Variants in SLC4A4 observed in about 807,000 individuals in gnomAD.
The protein encoded by SLC4A4 is electrogenic sodium bicarbonate cotransporter 1.
SLC4A4 carries 27 observed loss-of-function variants against 111.5 expected under a neutral mutation model. The ratio of observed to expected loss-of-function variants is 0.24; its 90% CI spans 0.18 to 0.33. The LOEUF (loss-of-function observed/expected upper bound fraction) is 0.33. Ranked by LOEUF, SLC4A4 falls within the 10% of genes least tolerant of loss-of-function variation. The pLI is 1.00. For missense variants in SLC4A4, 909 were observed against 1,315.5 expected (o/e 0.69, Z 4.78); for synonymous variants, 443 against 463.4 (o/e 0.96, Z 0.57).
intron 2 of SLC4A4, among the ~76,000 whole-genome samples, chr4:71,152,771 C>A (rs1054906466): frequency 6.6e-6 from 1 of 151,836 alleles, no homozygotes; most frequent in African/African-American, 2.4e-5. Context: ...CCTTTCCCAG[C>A]CCACTTTCTT....
At chr4:71,277,836 ATAAATT>A (rs1723200679) in intron 3 of SLC4A4, among the ~76,000 whole-genome samples, 1 of 152,120 alleles carries the variant, frequency 6.6e-6, no homozygotes, top group Non-Finnish European at 1.5e-5. Flanking sequence ...ATAAAACTAT[ATAAATT>A]TAAGGTGTAC....
chr4:71,386,335 G>C (rs900639735), intron 6 of SLC4A4, among the ~76,000 whole-genome samples: 1 of 151,980 alleles, frequency 6.6e-6, no homozygotes, highest in African/African-American at 2.4e-5. Flanking sequence ...GTGATCTGAA[G>C]AAATATGTCC....
chr4:71,232,622 A>G (rs1489863396), intron 1 of SLC4A4, among the ~76,000 whole-genome samples: 2 of 152,148 alleles, frequency 1.3e-5, no homozygotes, highest in Admixed American at 1.3e-4. Flanking sequence ...TATGTTGCCC[A>G]GGCTGGTCTG....
At chr4:71,177,114 A>T (rs546143760) in intron 2 of SLC4A4, among the ~76,000 whole-genome samples, 71 of 152,284 alleles carry the variant, frequency 4.7e-4, no homozygotes, top group African/African-American at 1.7e-3. Flanking sequence ...AATCCTTTAC[A>T]GACAAGCAGA....
At chr4:71,545,338 A>C (rs1211979482) in intron 18 of SLC4A4, among the ~76,000 whole-genome samples, 1 of 152,018 alleles carries the variant, frequency 6.6e-6, no homozygotes, top group Non-Finnish European at 1.5e-5. Context: ...AACAGTCACC[A>C]GGTTCCTAGT....
intron 3 of SLC4A4, among the ~76,000 whole-genome samples, chr4:71,320,328 T>A (rs1386884970): frequency 6.6e-6 from 1 of 152,052 alleles, no homozygotes; most frequent in Non-Finnish European, 1.5e-5. Flanking sequence ...CAAGTCTTCC[T>A]TCTGGTCCCT....
chr4:71,270,221 G>T (rs1722605821), intron 3 of SLC4A4, among the ~76,000 whole-genome samples: 1 of 152,122 alleles, frequency 6.6e-6, no homozygotes, highest in South Asian at 2.1e-4. Flanking sequence ...CCGAGTAACT[G>T]GGATTACAGG....
In SLC4A4 at chr4:71,453,648, G is replaced by A; in HGVS notation, c.1476G>A (p.Gly492=). 1 of 1,613,856 alleles carries A rather than the reference G, an allele frequency of 6.2e-7. No homozygotes were observed. Among genetic ancestry groups the A allele is most frequent in the Non-Finnish European group, 8.5e-7 (1 of 1,179,850 alleles). ...CTATCACTTTTGGAGGACTGCTTGGGGATGCCACTGACAACATGCAGGTGG... is the reference window on the plus strand; with the variant it reads ...CTATCACTTTTGGAGGACTGCTTGGAGATGCCACTGACAACATGCAGGTGG... ...TNAITFGGLL[G]DATDNMQGVL... is the part of the protein sequence containing the mutation. The change falls in exon 12 of 26, where the codon GGG becomes GGA. Residue 492 remains glycine, a synonymous_variant. Transcript: ENST00000264485.
chr4:71,202,056 G>A (rs935864700), intron 1 of SLC4A4, among the ~76,000 whole-genome samples: 11 of 152,200 alleles, frequency 7.2e-5, no homozygotes, highest in South Asian at 4.1e-4. Flanking sequence ...ATAGTGTCCA[G>A]CTGAGAAGCT....
At chr4:71,295,950 G>T (rs113503936) in intron 3 of SLC4A4, among the ~76,000 whole-genome samples, 1 of 151,632 alleles carries the variant, frequency 6.6e-6, no homozygotes, top group South Asian at 2.1e-4. Flanking sequence ...ATGAACCACC[G>T]TGCCTGGCCT....
At chr4:71,326,211 C>T (rs1727490966) in intron 3 of SLC4A4, among the ~76,000 whole-genome samples, 1 of 151,850 alleles carries the variant, frequency 6.6e-6, no homozygotes, top group African/African-American at 2.4e-5. Context: ...AAAATGATAT[C>T]TATCAGACTT....
chr4:71,512,026 C>T (rs1731976929), intron 16 of SLC4A4, among the ~76,000 whole-genome samples: 1 of 152,114 alleles, frequency 6.6e-6, no homozygotes, highest in Non-Finnish European at 1.5e-5. Context: ...TGTTGATGGA[C>T]ACATAGTTTG....
chr4:71,076,802 G>A (rs909207403), intron 1 of SLC4A4, among the ~76,000 whole-genome samples: 3 of 151,882 alleles, frequency 2.0e-5, no homozygotes, highest in African/African-American at 4.8e-5. Flanking sequence ...ACCAGCTGGG[G>A]CAACATGGCA....
intron 7 of SLC4A4, among the ~76,000 whole-genome samples, chr4:71,436,822 A>G (rs1408784186): frequency 6.6e-6 from 1 of 151,264 alleles, no homozygotes; most frequent in East Asian, 1.9e-4. Context: ...AATCAAATGC[A>G]CCTTTTTTTT....
chr4:71,440,316 G>A (rs572072263), intron 7 of SLC4A4, among the ~76,000 whole-genome samples: 2 of 152,188 alleles, frequency 1.3e-5, no homozygotes, highest in Admixed American at 6.5e-5. Context: ...ACTTTTCGTT[G>A]AGTGAATGAA....
chr4:71,433,181 A>G (rs1723802913), intron 7 of SLC4A4, among the ~76,000 whole-genome samples: 1 of 151,734 alleles, frequency 6.6e-6, no homozygotes. Context: ...CCCCCTCACC[A>G]TTAGCTTACT....
intron 6 of SLC4A4, among the ~76,000 whole-genome samples, chr4:71,392,286 C>T (rs922008233): frequency 6.6e-6 from 1 of 151,984 alleles, no homozygotes; most frequent in Non-Finnish European, 1.5e-5. Context: ...GCCAGATAAC[C>T]TCTTTGTGTG....
chr4:71,474,698 C>A (rs2149111197), intron 14 of SLC4A4, among the ~76,000 whole-genome samples: 1 of 147,946 alleles, frequency 6.8e-6, no homozygotes, highest in South Asian at 2.2e-4. Flanking sequence ...TAAAATAAAA[C>A]CCATATTTAA....
At chr4:71,333,723 TG>T (rs964355491) in intron 3 of SLC4A4, among the ~76,000 whole-genome samples, 3 of 152,160 alleles carry the variant, frequency 2.0e-5, no homozygotes, top group African/African-American at 7.2e-5. Flanking sequence ...GCTGCTGAGC[TG>T]GCACCCAAGC....
Sources: gnomAD v4.1 joint callset for allele counts (sites outside exome capture counted in the v4.1 genomes callset) on GRCh38, gnomAD v4.1.1 for gene constraint, MANE v1.5 for transcripts, NCBI Gene and HGNC (gene_info 2026-07-23, HGNC 2026-07-21) for gene names.